The following NLRC4 variants were observed in gnomAD, a reference collection of about 807,000 sequenced individuals.
NLRC4 encodes the protein NLR family CARD domain-containing protein 4.
NLRC4 carries 63 observed loss-of-function variants against 79.9 expected under a neutral mutation model. That is an observed-to-expected ratio of 0.79 (90% CI 0.64 to 0.97). NLRC4 has a LOEUF of 0.97. Among genes scored for constraint, NLRC4 ranks in the 50% least tolerant of loss-of-function variants. NLRC4 has a pLI of 0.00. For synonymous variants in NLRC4, 461 were observed against 456.5 expected, an observed-to-expected ratio of 1.01 and a Z score of -0.12; for missense variants, 1,074 against 1,215.2, an observed-to-expected ratio of 0.88 and a Z score of 1.73.
At position 32,250,687 on chromosome 2, in the gene NLRC4, A is replaced by G. The variant is rs1202423981; in HGVS notation, c.1177T>C (p.Cys393Arg). ...ASDFIRSLDH[C>R]GDLALEGVFS... Reference sequence around the variant, plus strand: ...ACACCCTCCAGAGCTAGGTCTCCACAGTGGTCCAGGCTCCGAATGAAGTCA... The same window carrying G: ...ACACCCTCCAGAGCTAGGTCTCCACGGTGGTCCAGGCTCCGAATGAAGTCA... Residue 393 changes from cysteine to arginine, a missense_variant, in exon 4 of 9, where the codon TGT becomes CGT. Transcript: ENST00000402280. This position sits in a 1 kb window ranked among gnomAD's most constrained non-coding sequence, Gnocchi z 4.9. 2.5e-6 allele frequency: 4 copies of G among 1,614,082 alleles called. No homozygotes were observed. Among genetic ancestry groups the G allele is most frequent in the African/African-American group, 1.3e-5 (1 of 74,942 alleles).
In NLRC4 at chr2:32,250,649, C is replaced by T. The variant is rs545334072; in HGVS notation, c.1215G>A (p.Lys405=). 6.2e-7 allele frequency: 1 copy of T among 1,614,178 alleles called. No individual in the cohort carries two copies. Among genetic ancestry groups the T allele is most frequent in the Non-Finnish European group, 8.5e-7 (1 of 1,180,036 alleles). ...ACACATCCTGCAGTTCGAAATCAAA[C>T]TTGTGGGAGAACACACCCTCCAGAG... The part of the protein sequence containing the change: ...DLALEGVFSH[K]FDFELQDVSS... The change falls in exon 4 of 9, where the codon AAG becomes AAA. Residue 405 remains lysine, a synonymous_variant. Transcript: ENST00000402280. The surrounding 1 kb of genome is among the most constrained non-coding windows in gnomAD (Gnocchi z 4.9).
chr2:32,259,476 A>G (rs1687288310), intron 1 of NLRC4, among the ~76,000 whole-genome samples: 1 of 151,546 alleles, frequency 6.6e-6, no homozygotes, highest in South Asian at 2.1e-4. Flanking sequence ...TCATTTATCA[A>G]TCTATTTTAC....
chr2:32,240,401 CAAAAAA>C (rs36105309), intron 5 of NLRC4, among the ~76,000 whole-genome samples: 1 of 118,210 alleles, frequency 8.5e-6, no homozygotes, highest in Admixed American at 8.8e-5. Flanking sequence ...AAAAAAGAGC[CAAAAAA>C]AAAAAAAAAA....
intron 1 of NLRC4, among the ~76,000 whole-genome samples, chr2:32,262,963 G>A (rs1230092091): frequency 1.3e-5 from 2 of 151,432 alleles, no homozygotes; most frequent in Non-Finnish European, 2.9e-5. Context: ...CAATCTGCCT[G>A]CCTCGGCCTC....
At chr2:32,261,316 C>CCCTTTTTTTTTTTTTTTTTTTTTTT in intron 1 of NLRC4, among the ~76,000 whole-genome samples, 62 of 96,880 alleles carry the variant, frequency 6.4e-4, no homozygotes, top group Admixed American at 1.2e-3. Context: ...AGCCTCCCCC[C>CCCTTTTTTTTTTTTTTTTTTTTTTT]TTTTGTTTTT....
chr2:32,248,256 C>A (rs774884852), intron 4 of NLRC4, among the ~76,000 whole-genome samples: 1 of 152,130 alleles, frequency 6.6e-6, no homozygotes, highest in South Asian at 2.1e-4. Context: ...CTAAGCCCCC[C>A]ACCAACTGAA....
chr2:32,259,119 A>G (rs374144837), intron 1 of NLRC4, among the ~76,000 whole-genome samples: 343 of 152,054 alleles, frequency 2.3e-3, no homozygotes, highest in African/African-American at 7.7e-3. Flanking sequence ...TTTTTGAGAC[A>G]GGGTCTCACT....
chr2:32,233,137 GAA>G (rs1179207272), intron 8 of NLRC4, among the ~76,000 whole-genome samples: 192 of 4,706 alleles, frequency 0.041, 1 homozygote, highest in African/African-American at 0.11. Context: ...GGGGAGGGAG[GAA>G]GGAAGGAAGG....
intron 1 of NLRC4, among the ~76,000 whole-genome samples, chr2:32,262,202 G>C (rs925762110): frequency 2.0e-5 from 3 of 152,218 alleles, no homozygotes; most frequent in African/African-American, 4.8e-5. Flanking sequence ...GACACACTAA[G>C]AGTCCTCAAT....
chr2:32,238,157 C>A lies in NLRC4; in HGVS notation c.2496G>T (p.Leu832Phe), dbSNP rs1197136016. 9.9e-6 allele frequency: 16 copies of A among 1,613,280 alleles called. No individual in the cohort carries two copies. The highest frequency in any genetic ancestry group is 1.4e-5 in the Non-Finnish European group (16 of 1,179,840). ...CTAGGATTTTCACTGCATTTGCAGA[C>A]AAGCAGCAGGAGACTAATTGAATTT... The part of the protein sequence containing the change: ...LEEIQLVSCC[L>F]SANAVKILAQ... The change falls in exon 6 of 9, where the codon TTG becomes TTT. Residue 832 changes from leucine (L) to phenylalanine (F), a missense_variant. Leu to Phe is a conservative substitution (Grantham distance 22, BLOSUM62 0). Coordinates refer to ENST00000402280, the MANE Select transcript of NLRC4 (RefSeq NM_001199138.2).
chr2:32,235,424 G>T lies in NLRC4; in HGVS notation c.2759C>A (p.Thr920Lys). Reference protein sequence around the residue: ...VKLGLKNWRLTDTEIRILGAF... With the variant: ...VKLGLKNWRLKDTEIRILGAF... ...ACCTAAAATTCTAATCTCTGTATCTGTGAGTCTCCAGTTTTTCAACCCAAG... is the reference window on the plus strand; with the variant it reads ...ACCTAAAATTCTAATCTCTGTATCTTTGAGTCTCCAGTTTTTCAACCCAAG... The change falls in exon 8 of 9, where the codon ACA (threonine) becomes AAA (lysine). Residue 920 changes from threonine (T) to lysine (K), a missense_variant. Physicochemically the swap from Thr to Lys is moderately conservative, Grantham distance 78 (BLOSUM62 -1). Coordinates refer to ENST00000402280, the MANE Select transcript of NLRC4 (RefSeq NM_001199138.2). 6.2e-7 allele frequency: 1 copy of T among 1,613,950 alleles called. No individual in the cohort carries two copies. The highest frequency in any genetic ancestry group is 8.5e-7 in the Non-Finnish European group (1 of 1,179,782).
At position 32,242,990 on chromosome 2, in the gene NLRC4, A is replaced by G. The variant is rs188385991; in HGVS notation, c.2258-1865T>C. Among the ~76,000 whole-genome samples the G allele has an allele frequency of 3.3e-5, 5 of 151,342 alleles. No individual in the cohort carries two copies. In the East Asian group the frequency reaches 9.8e-4, roughly 30 times the overall value. ...TTGAGCCCAGGAGTTCAAGATTGCA[A>G]TGAAGTGTGATGACACCACTGCACT... On this transcript the variant is annotated intron_variant, in intron 4 of 8. Coordinates refer to ENST00000402280, the MANE Select transcript of NLRC4 (RefSeq NM_001199138.2).
At chr2:32,243,214 G>A (rs1386003792) in intron 4 of NLRC4, among the ~76,000 whole-genome samples, 1 of 151,838 alleles carries the variant, frequency 6.6e-6, no homozygotes, top group African/African-American at 2.4e-5. Flanking sequence ...TTTGACACCA[G>A]CCTGGCCAAC....
At chr2:32,232,468 C>T (rs212713) in intron 8 of NLRC4, among the ~76,000 whole-genome samples, 80,593 of 151,984 alleles carry the variant, frequency 0.53, 21,605 homozygotes, top group African/African-American at 0.57. Context: ...TACTATATTT[C>T]ATTTCATACC....
At chr2:32,234,901 A>AATACAGATAGTATGAAGGCTTCT (rs1573473705) in intron 8 of NLRC4, among the ~76,000 whole-genome samples, 1 of 152,336 alleles carries the variant, frequency 6.6e-6, no homozygotes. Context: ...ATTGAAAACT[A>AATACAGATAGTATGAAGGCTTCT]ATACAGATAG....
chr2:32,253,989 G>A lies in NLRC4; in HGVS notation c.2-1310C>T, dbSNP rs559562488. Among the ~76,000 whole-genome samples, 148 of 143,650 alleles carry A rather than the reference G, an allele frequency of 1.0e-3. 3 individuals carry two copies. The highest frequency in any genetic ancestry group is 3.7e-3 in the African/African-American group (144 of 38,508). 94.2% of individuals were successfully genotyped at this position (143,650 alleles called of 152,430 possible). A position where few individuals can be genotyped will look rare whatever the true frequency, so the allele number is the denominator to read the frequency against. On this transcript the variant is annotated intron_variant, in intron 2 of 8. Transcript: ENST00000402280. ...CAAAAAAAAAAAAAAAAAAAAGTAC[G>A]TGCTGCTAAATGTTTCACAAACTGG...
In NLRC4 at chr2:32,224,801, AATTTT is replaced by A. The variant is rs777537359; in HGVS notation, c.2783-41_2783-37del. ...AAATAAGTATATTAGTTGGAAGAAA[AATTTT>A]TTTTAAAAAAAAAGAGAAATAGGTT... On this transcript the variant is annotated intron_variant, in intron 8 of 8. Transcript: ENST00000402280. 20 of 1,162,432 alleles carry A rather than the reference AATTTT, an allele frequency of 1.7e-5. No homozygotes were observed. In the African/African-American group the frequency reaches 3.5e-4, roughly 20 times the overall value. 72.0% of individuals were successfully genotyped at this position (1,162,432 alleles called of 1,614,324 possible). A position where few individuals can be genotyped will look rare whatever the true frequency, so the allele number is the denominator to read the frequency against.
intron 8 of NLRC4, among the ~76,000 whole-genome samples, chr2:32,229,783 G>A (rs895550739): frequency 6.6e-5 from 10 of 152,302 alleles, no homozygotes; most frequent in Non-Finnish European, 1.0e-4. Flanking sequence ...CAACTCCTGC[G>A]GAGGAATCAA....
At position 32,252,485 on chromosome 2, in the gene NLRC4, A is replaced by G; in HGVS notation, c.196T>C (p.Cys66Arg). 14 of 1,612,192 alleles carry G rather than the reference A, an allele frequency of 8.7e-6. No individual in the cohort carries two copies. Among genetic ancestry groups the G allele is most frequent in the Non-Finnish European group, 1.2e-5 (14 of 1,178,168 alleles). Residue 66 changes from cysteine (C) to arginine (R), a missense_variant, in exon 3 of 9, where the codon TGT (cysteine) becomes CGT (arginine). Physicochemically the swap from Cys to Arg is radical, Grantham distance 180. Transcript: ENST00000402280. ...TTAAGGGATTTAAGAAAGAGGTTAC[A>G]GGACTCTGAACCCTTTTTCAAAATC... ...HMILKKGSESCNLFLKSLKEW... is the reference protein window; with the variant it reads ...HMILKKGSESRNLFLKSLKEW...
Sources: allele counts gnomAD v4.1 joint callset (sites outside exome capture counted in the v4.1 genomes callset), GRCh38; gene constraint gnomAD v4.1.1; non-coding constraint Gnocchi (gnomAD v3.1); transcripts MANE v1.5; gene names NCBI Gene and HGNC (gene_info 2026-07-23, HGNC 2026-07-21).